Variants in AMPH observed in about 807,000 individuals in gnomAD.
AMPH encodes amphiphysin.
AMPH carries 49 observed loss-of-function variants against 99.1 expected under a neutral mutation model. The ratio of observed to expected loss-of-function variants is 0.49; its 90% CI spans 0.39 to 0.63. AMPH has a LOEUF of 0.63. Among genes scored for constraint, AMPH ranks in the 20% least tolerant of loss-of-function variants. The probability of loss-of-function intolerance (pLI) is 0.00; values close to 1 mark genes in which losing one functional copy is unlikely to be tolerated. For missense variants in AMPH, 759 were observed against 863.4 expected, an observed-to-expected ratio of 0.88 and a Z score of 1.52; for synonymous variants, 314 against 317.3, an observed-to-expected ratio of 0.99 and a Z score of 0.11.
intron 2 of AMPH, among the ~76,000 whole-genome samples, chr7:38,532,432 AATTACTT>A (rs1419719386): frequency 6.6e-6 from 1 of 152,204 alleles, no homozygotes; most frequent in South Asian, 2.1e-4. Flanking sequence ...TATGAAATAG[AATTACTT>A]GTTCAAATTT....
intron 1 of AMPH, among the ~76,000 whole-genome samples, chr7:38,612,117 GT>G (rs1235069440): frequency 1.8e-5 from 2 of 111,968 alleles, no homozygotes; most frequent in East Asian, 4.5e-4. Context: ...TTGAGATGGA[GT>G]TTTGCTCTTG....
At chr7:38,398,327 T>C (rs1398247655) in intron 17 of AMPH, among the ~76,000 whole-genome samples, 2 of 152,106 alleles carry the variant, frequency 1.3e-5, no homozygotes, top group Non-Finnish European at 2.9e-5. Flanking sequence ...AAAGAAAATG[T>C]GATACATATA....
chr7:38,410,625 T>G (rs184875656), intron 17 of AMPH, among the ~76,000 whole-genome samples: 141 of 152,312 alleles, frequency 9.3e-4, no homozygotes, highest in African/African-American at 3.2e-3. Context: ...ATTTTGATTT[T>G]GGGGGAGCAG....
intron 1 of AMPH, among the ~76,000 whole-genome samples, chr7:38,607,870 T>A (rs1055430199): frequency 6.6e-6 from 1 of 152,240 alleles, no homozygotes; most frequent in Non-Finnish European, 1.5e-5. Context: ...CAAAGCCTTA[T>A]GAAAATTACT....
chr7:38,556,694 T>C (rs1315384464), intron 1 of AMPH, among the ~76,000 whole-genome samples: 1 of 152,208 alleles, frequency 6.6e-6, no homozygotes, highest in Non-Finnish European at 1.5e-5. Flanking sequence ...CAAATGTCAC[T>C]ACATTATTTA....
intron 12 of AMPH, among the ~76,000 whole-genome samples, chr7:38,434,201 C>T (rs906868423): frequency 9.2e-5 from 14 of 152,118 alleles, no homozygotes; most frequent in African/African-American, 3.1e-4. Flanking sequence ...GCCGTCACTG[C>T]GGTGATATAT....
chr7:38,520,208 CA>C (rs1789902836), intron 2 of AMPH, among the ~76,000 whole-genome samples: 1 of 151,948 alleles, frequency 6.6e-6, no homozygotes, highest in African/African-American at 2.4e-5. Context: ...ATCAACTTAT[CA>C]AAAAAAATGT....
At chr7:38,507,661 AT>A (rs1389748203) in intron 2 of AMPH, among the ~76,000 whole-genome samples, 1 of 152,218 alleles carries the variant, frequency 6.6e-6, no homozygotes, top group Non-Finnish European at 1.5e-5. Context: ...CATTTTAGTA[AT>A]TCAGCCGTGA....
chr7:38,494,425 G>C lies in AMPH; in HGVS notation c.300+8C>G, dbSNP rs1788846904. The stretch of plus-strand genomic sequence containing the variant: ...TGGGAGCCTCATGGAAGCCACCCCA[G>C]CTCTTACCTCACCAACCATTTTCAC... On this transcript the variant is annotated splice_region_variant and intron_variant, in intron 4 of 20. Transcript: ENST00000356264. 5 of 1,613,282 alleles carry C rather than the reference G, an allele frequency of 3.1e-6. No homozygotes were observed. The highest frequency in any genetic ancestry group is 4.2e-6 in the Non-Finnish European group (5 of 1,179,394).
At chr7:38,594,352 C>A (rs1792972496) in intron 1 of AMPH, among the ~76,000 whole-genome samples, 1 of 152,174 alleles carries the variant, frequency 6.6e-6, no homozygotes, top group Admixed American at 6.5e-5. Flanking sequence ...CCCGAAGACA[C>A]TTTCCTAAAA....
chr7:38,408,212 C>G (rs1785106864), intron 17 of AMPH, among the ~76,000 whole-genome samples: 1 of 152,154 alleles, frequency 6.6e-6, no homozygotes, highest in Non-Finnish European at 1.5e-5. Flanking sequence ...ATTCTGAGAC[C>G]TCCTAAATAA....
chr7:38,561,114 AGC>A (rs1791538656), intron 1 of AMPH, among the ~76,000 whole-genome samples: 1 of 152,224 alleles, frequency 6.6e-6, no homozygotes, highest in Non-Finnish European at 1.5e-5. Flanking sequence ...CAAGACCCAC[AGC>A]AGGCATGTGG....
In AMPH at chr7:38,384,265, A is replaced by G. The variant is rs1784291147; in HGVS notation, c.*553T>C. 1 of 153,222 alleles carries G rather than the reference A, an allele frequency of 6.5e-6. No individual in the cohort carries two copies. Among genetic ancestry groups the G allele is most frequent in the Admixed American group, 6.4e-5 (1 of 15,506 alleles). 9.5% of individuals were successfully genotyped at this position (153,222 alleles called of 1,614,324 possible). A position where few individuals can be genotyped will look rare whatever the true frequency, so the allele number is the denominator to read the frequency against. ...TGTATATGTAGCCTTCTGCATACAC[A>G]TAGATCCAGGAGTCATGGGAACTAG... On this transcript the variant is annotated 3_prime_UTR_variant, in exon 21 of 21. Transcript: ENST00000356264.
chr7:38,570,957 A>ATTC (rs1562834226), intron 1 of AMPH, among the ~76,000 whole-genome samples: 3 of 71,880 alleles, frequency 4.2e-5, no homozygotes, highest in Admixed American at 2.0e-4. Context: ...ATATATATAG[A>ATTC]ATATATATAT....
chr7:38,580,559 G>C (rs1174619026), intron 1 of AMPH, among the ~76,000 whole-genome samples: 1 of 152,080 alleles, frequency 6.6e-6, no homozygotes, highest in African/African-American at 2.4e-5. Context: ...TGCTCTGTAC[G>C]AATGGACCAG....
chr7:38,395,938 A>G (rs1046966333), intron 17 of AMPH, among the ~76,000 whole-genome samples: 3 of 152,238 alleles, frequency 2.0e-5, no homozygotes, highest in Non-Finnish European at 4.4e-5. Context: ...TACAGAATAT[A>G]TACAGTACAT....
chr7:38,416,205 A>G lies in AMPH; in HGVS notation c.1398+1620T>C, dbSNP rs186854430. On this transcript the variant is annotated intron_variant, in intron 17 of 20. Transcript: ENST00000356264. Reference sequence around the variant, plus strand: ...GGAAAACCATAAACCTGGATTCTGAAAAAAACAAAAGCCTACTTAGATCGG... The same window carrying G: ...GGAAAACCATAAACCTGGATTCTGAGAAAAACAAAAGCCTACTTAGATCGG... Among the ~76,000 whole-genome samples the G allele has an allele frequency of 1.7e-3, 250 of 150,952 alleles. 1 individual carries two copies. Among genetic ancestry groups the G allele is most frequent in the African/African-American group, 5.9e-3 (243 of 41,094 alleles).
chr7:38,508,291 C>A (rs963028973), intron 2 of AMPH, among the ~76,000 whole-genome samples: 1 of 152,100 alleles, frequency 6.6e-6, no homozygotes, highest in African/African-American at 2.4e-5. Flanking sequence ...AAAAAACAAA[C>A]CCTGTGGATT....
chr7:38,468,090 G>A (rs966691351), intron 7 of AMPH, among the ~76,000 whole-genome samples: 6 of 152,100 alleles, frequency 3.9e-5, no homozygotes, highest in African/African-American at 1.4e-4. Context: ...CTGGTAAAAG[G>A]AGTGAACCAA....
Sources: gnomAD v4.1 joint callset for allele counts (sites outside exome capture counted in the v4.1 genomes callset) on GRCh38, gnomAD v4.1.1 for gene constraint, MANE v1.5 for transcripts, NCBI Gene and HGNC (gene_info 2026-07-23, HGNC 2026-07-21) for gene names.